Variants in ANK1 observed in about 807,000 individuals in gnomAD.
ANK1 encodes the protein ankyrin-1.
A neutral mutation model predicts 210.4 loss-of-function variants in ANK1; 51 were observed. The ratio of observed to expected loss-of-function variants is 0.24; its 90% CI spans 0.19 to 0.31. The LOEUF is 0.31. Ranked by LOEUF, ANK1 falls within the 10% of genes least tolerant of loss-of-function variation. ANK1 has a pLI of 1.00. For synonymous variants in ANK1, 967 were observed against 1,025.9 expected (o/e 0.94, Z 1.10); for missense variants, 2,051 against 2,504.4 (o/e 0.82, Z 3.86).
At chr8:41,663,888 A>C (rs1809421129) in intron 39 of ANK1, 146 bp from the exon 40 acceptor site, 1 of 733,150 alleles carries the variant, frequency 1.4e-6, no homozygotes, top group Non-Finnish European at 2.4e-6. Flanking sequence ...AGCATGTAGC[A>C]GGAGCCATGC....
At chr8:41,697,610 T>C (rs1019600708) in intron 24 of ANK1, 3 of 334,532 alleles carry the variant, frequency 9.0e-6, no homozygotes, top group African/African-American at 6.4e-5. Flanking sequence ...TGCGTCCGAG[T>C]CCACTCTTTC....
chr8:41,849,162 C>A (rs914387297), intron 1 of ANK1, among the ~76,000 whole-genome samples: 4 of 152,256 alleles, frequency 2.6e-5, no homozygotes, highest in Admixed American at 2.0e-4. Flanking sequence ...ACTTCATATC[C>A]TCTGCCCATC....
intron 1 of ANK1, among the ~76,000 whole-genome samples, chr8:41,766,228 T>A (rs1841752023): frequency 1.3e-5 from 2 of 152,270 alleles, no homozygotes; most frequent in East Asian, 1.9e-4. Context: ...GATGTGGAGC[T>A]GTCTGCTTGT....
intron 1 of ANK1, among the ~76,000 whole-genome samples, chr8:41,768,659 C>T (rs1842369219): frequency 6.6e-6 from 1 of 152,166 alleles, no homozygotes; most frequent in African/African-American, 2.4e-5. Context: ...CAATAGTGTA[C>T]TCAGCGCCAG....
intron 1 of ANK1, among the ~76,000 whole-genome samples, chr8:41,778,257 G>C (rs369289545): frequency 7.9e-5 from 12 of 152,176 alleles, no homozygotes; most frequent in East Asian, 3.8e-4. Context: ...CAATAAAAGG[G>C]TCAAATACTC....
At position 41,717,654 on chromosome 8, in the gene ANK1, T is replaced by C; in HGVS notation, c.1255A>G (p.Ile419Val). ...HVASFMGHLP[I>V]VKNLLQRGAS... is the part of the protein sequence containing the mutation. Reference sequence around the variant, plus strand: ...CCCCGCTGCAGGAGGTTCTTCACGATGGGAAGGTGCCCCATGAAGGAGGCC... The same window carrying C: ...CCCCGCTGCAGGAGGTTCTTCACGACGGGAAGGTGCCCCATGAAGGAGGCC... The change falls in exon 12 of 43, where the codon ATC (isoleucine) becomes GTC (valine). Residue 419 changes from isoleucine to valine, a missense_variant. This residue lies in a region of ANK1 where 1,413 missense variants were observed against 1,707.4 expected (regional missense o/e 0.83). Transcript: ENST00000289734. 4.5e-6 allele frequency: 7 copies of C among 1,551,644 alleles called. No individual in the cohort carries two copies. The highest frequency in any genetic ancestry group is 6.1e-6 in the Non-Finnish European group (7 of 1,146,986).
At chr8:41,773,212 A>G (rs1325673529) in intron 1 of ANK1, among the ~76,000 whole-genome samples, 1 of 152,128 alleles carries the variant, frequency 6.6e-6, no homozygotes, top group Non-Finnish European at 1.5e-5. Flanking sequence ...GGCTGGAGTA[A>G]GGGATGGCAA....
intron 1 of ANK1, among the ~76,000 whole-genome samples, chr8:41,791,420 G>C (rs1454033781): frequency 1.3e-5 from 2 of 150,626 alleles, no homozygotes; most frequent in African/African-American, 4.9e-5. Context: ...CCATTGGCAG[G>C]CACTAACTTT....
At chr8:41,671,371 G>A (rs748065369) in intron 38 of ANK1, among the ~76,000 whole-genome samples, 1 of 152,106 alleles carries the variant, frequency 6.6e-6, no homozygotes, top group Non-Finnish European at 1.5e-5. Context: ...TCTAAATATG[G>A]TCTTCAACTA....
intron 1 of ANK1, among the ~76,000 whole-genome samples, chr8:41,859,625 T>C (rs574357516): frequency 1.3e-5 from 2 of 152,368 alleles, no homozygotes; most frequent in East Asian, 3.9e-4. Context: ...CAGGCCTTTG[T>C]ATCTGGGCTG....
intron 1 of ANK1, among the ~76,000 whole-genome samples, chr8:41,768,279 C>A (rs1351808416): frequency 6.6e-6 from 1 of 152,172 alleles, no homozygotes; most frequent in Non-Finnish European, 1.5e-5. Context: ...GGCAATATGG[C>A]TTGTTCAGAT....
chr8:41,843,180 A>G (rs1398409833), intron 1 of ANK1, among the ~76,000 whole-genome samples: 1 of 152,190 alleles, frequency 6.6e-6, no homozygotes, highest in African/African-American at 2.4e-5. Context: ...GTATGCTTAC[A>G]TTGCCTTAAA....
At chr8:41,754,674 T>C (rs1316623544) in intron 2 of ANK1, among the ~76,000 whole-genome samples, 2 of 152,194 alleles carry the variant, frequency 1.3e-5, no homozygotes, top group Non-Finnish European at 2.9e-5. Flanking sequence ...AAAGCTCTAG[T>C]AGCATTAAGA....
intron 3 of ANK1, among the ~76,000 whole-genome samples, chr8:41,731,134 C>A (rs1832080689): frequency 6.6e-6 from 1 of 152,166 alleles, no homozygotes; most frequent in Admixed American, 6.5e-5. Flanking sequence ...TACACACACA[C>A]ATTATGAGGC....
chr8:41,695,838 G>C (rs1266442818), intron 26 of ANK1, among the ~76,000 whole-genome samples: 3 of 152,218 alleles, frequency 2.0e-5, no homozygotes, highest in Admixed American at 1.3e-4. Context: ...ACACACCCAT[G>C]GTGCCTGAGG....
intron 32 of ANK1, 61 bp from the exon 33 acceptor site, chr8:41,690,407 G>GTT: frequency 6.2e-7 from 1 of 1,614,202 alleles, no homozygotes; most frequent in Non-Finnish European, 8.5e-7. Context: ...CGGCTGTCTG[G>GTT]TTTAGGGAAT....
rs1285764946 is a variant in ANK1, at chr8:41,804,821, G to T, written c.127-46684C>A. Among the ~76,000 whole-genome samples, 4 of 152,058 alleles carry T rather than the reference G, an allele frequency of 2.6e-5. No homozygotes were observed. In the East Asian group the frequency reaches 7.7e-4, roughly 29 times the overall value. On this transcript the variant is annotated intron_variant, in intron 1 of 42. Transcript: ENST00000265709. The stretch of plus-strand genomic sequence containing the variant: ...AAATTCCCACATTCCGGCAAAACAC[G>T]GTGAAAACAGAGAAGTGACCTCAGT...
rs1240672882 is a variant in ANK1 at position 41,723,485 on chromosome 8, AG to A, written c.810+49del. 2.5e-6 allele frequency: 4 copies of A among 1,582,874 alleles called. No individual in the cohort carries two copies. In the South Asian group the frequency reaches 3.3e-5, roughly 13 times the overall value. ...CCCGCTGCTCTGGGTGAGGCTTGTG[AG>A]GGGGGACCTCCCTCCCCCTGCCTGG... On this transcript the variant is annotated intron_variant, in intron 8 of 42. Coordinates refer to ENST00000289734, the MANE Select transcript of ANK1 (RefSeq NM_000037.4).
chr8:41,848,895 A>G (rs1314892657), intron 1 of ANK1, among the ~76,000 whole-genome samples: 2 of 152,044 alleles, frequency 1.3e-5, no homozygotes, highest in Admixed American at 6.6e-5. Context: ...ACGTTGCTTC[A>G]GGGGCCCTGG....
Sources: allele counts gnomAD v4.1 joint callset (sites outside exome capture counted in the v4.1 genomes callset), GRCh38; gene constraint gnomAD v4.1.1; regional missense constraint gnomAD v4.1.1; transcripts MANE v1.5; gene names NCBI Gene and HGNC (gene_info 2026-07-23, HGNC 2026-07-21).